The following CALN1 variants were observed in gnomAD, a reference collection of about 807,000 sequenced individuals.
CALN1 encodes calneuron 1.
A neutral mutation model predicts 30.6 loss-of-function variants in CALN1; 17 were observed. The observed-to-expected ratio is 0.56, with a 90% confidence interval of 0.38 to 0.83. The LOEUF is 0.83. Ranked by LOEUF, CALN1 falls within the 40% of genes least tolerant of loss-of-function variation. CALN1 has a pLI of 0.00. For synonymous variants in CALN1, 156 were observed against 131.4 expected (o/e 1.19, Z -1.28); for missense variants, 291 against 354.9 (o/e 0.82, Z 1.45).
At chr7:71,814,291 G>A (rs1434105118) in intron 5 of CALN1, among the ~76,000 whole-genome samples, 31 of 152,170 alleles carry the variant, frequency 2.0e-4, no homozygotes. Context: ...TGTCAAGTGT[G>A]TGTTTGTGTC....
intron 4 of CALN1, among the ~76,000 whole-genome samples, chr7:72,084,314 T>C (rs1339527696): frequency 6.6e-6 from 1 of 152,066 alleles, no homozygotes; most frequent in Non-Finnish European, 1.5e-5. Context: ...ATATGAAAAC[T>C]AATTTCTAAT....
At chr7:72,252,608 CAAAA>C (rs71069044) in intron 3 of CALN1, among the ~76,000 whole-genome samples, 1 of 137,388 alleles carries the variant, frequency 7.3e-6, no homozygotes, top group Non-Finnish European at 1.6e-5. Flanking sequence ...GACCCTGTCT[CAAAA>C]AAAAAAAAAG....
chr7:71,918,813 G>T (rs1045484238), intron 5 of CALN1, among the ~76,000 whole-genome samples: 1 of 152,082 alleles, frequency 6.6e-6, no homozygotes, highest in Admixed American at 6.5e-5. Flanking sequence ...ATCTCTTAAA[G>T]CCATGTTCAA....
intron 5 of CALN1, among the ~76,000 whole-genome samples, chr7:71,948,519 CA>C (rs1796520829): frequency 6.6e-6 from 1 of 151,980 alleles, no homozygotes; most frequent in African/African-American, 2.4e-5. Flanking sequence ...CACCTGAGGT[CA>C]GGAATTCCAG....
intron 5 of CALN1, among the ~76,000 whole-genome samples, chr7:71,816,861 A>AGGAGGCTGAGGC (rs1788294710): frequency 1.3e-5 from 2 of 152,106 alleles, no homozygotes; most frequent in Non-Finnish European, 2.9e-5. Context: ...CCAGCTACTC[A>AGGAGGCTGAGGC]GGAGGCTGAG....
chr7:72,354,327 CT>C (rs1308132020), intron 2 of CALN1, among the ~76,000 whole-genome samples: 1 of 152,092 alleles, frequency 6.6e-6, no homozygotes, highest in African/African-American at 2.4e-5. Flanking sequence ...AAATGGAGAC[CT>C]ATACCATGTT....
chr7:71,989,611 AAGAT>A (rs1336942553), intron 5 of CALN1, among the ~76,000 whole-genome samples: 3 of 152,210 alleles, frequency 2.0e-5, no homozygotes, highest in Non-Finnish European at 4.4e-5. Context: ...TTGGAAAACC[AAGAT>A]AGATAACCTT....
chr7:72,173,144 T>G (rs1789086955), intron 3 of CALN1, among the ~76,000 whole-genome samples: 1 of 152,008 alleles, frequency 6.6e-6, no homozygotes, highest in East Asian at 1.9e-4. Flanking sequence ...TGAAAACAAT[T>G]GCTGTACTTC....
At chr7:72,030,123 T>C (rs1020983740) in intron 4 of CALN1, among the ~76,000 whole-genome samples, 1 of 152,256 alleles carries the variant, frequency 6.6e-6, no homozygotes, top group African/African-American at 2.4e-5. Context: ...TTGCAGATAA[T>C]TGGGGAATTT....
intron 2 of CALN1, chr7:72,337,323 A>AGCCCCC: frequency 1.0e-6 from 1 of 978,818 alleles, no homozygotes; most frequent in Non-Finnish European, 1.2e-6. Context: ...AGGGTCGGGG[A>AGCCCCC]GCCCCCACCC....
At chr7:72,482,999 T>C in the CALN1 span, among the ~76,000 whole-genome samples, 1 of 152,112 alleles carries the variant, frequency 6.6e-6, no homozygotes, top group African/African-American at 2.4e-5. Context: ...GTGCAAAGGG[T>C]TATTTTGTTT....
At chr7:72,006,568 AAGT>A (rs1288230411) in intron 5 of CALN1, among the ~76,000 whole-genome samples, 2 of 147,142 alleles carry the variant, frequency 1.4e-5, no homozygotes, top group Admixed American at 1.3e-4. Context: ...ACATCTAAAA[AAGT>A]AGATTTTTTT....
At chr7:71,866,926 C>T (rs1351082352) in intron 5 of CALN1, among the ~76,000 whole-genome samples, 1 of 152,142 alleles carries the variant, frequency 6.6e-6, no homozygotes, top group Non-Finnish European at 1.5e-5. Flanking sequence ...GAGTGGATCA[C>T]TTGAGGTCAG....
chr7:72,159,178 C>G (rs113998146), intron 3 of CALN1, among the ~76,000 whole-genome samples: 1 of 152,000 alleles, frequency 6.6e-6, no homozygotes, highest in African/African-American at 2.4e-5. Context: ...TTTAAAGAAA[C>G]AAACAAAAAG....
At chr7:71,871,264 A>T (rs73185015) in intron 5 of CALN1, among the ~76,000 whole-genome samples, 27,525 of 151,978 alleles carry the variant, frequency 0.18, 2,835 homozygotes, top group Non-Finnish European at 0.23. Flanking sequence ...AAAGAGCTTT[A>T]AAAAAAACCT....
At chr7:72,501,256 G>C in the CALN1 span, among the ~76,000 whole-genome samples, 1 of 151,096 alleles carries the variant, frequency 6.6e-6, no homozygotes, top group African/African-American at 2.4e-5. Flanking sequence ...GAGGAGTCCA[G>C]GTGTGGTGGT....
At chr7:72,481,851 A>T in the CALN1 span, among the ~76,000 whole-genome samples, 1 of 152,124 alleles carries the variant, frequency 6.6e-6, no homozygotes, top group Non-Finnish European at 1.5e-5. Flanking sequence ...TATTATTTGT[A>T]TACTTTGACA....
intron 2 of CALN1, among the ~76,000 whole-genome samples, chr7:72,341,967 G>C (rs1802405897): frequency 3.3e-5 from 5 of 152,000 alleles, no homozygotes; most frequent in Admixed American, 3.3e-4. Flanking sequence ...CTCAGAAGTA[G>C]AGAAGGCTAG....
At chr7:72,490,306 CA>C in the CALN1 span, among the ~76,000 whole-genome samples, 1 of 152,080 alleles carries the variant, frequency 6.6e-6, no homozygotes, top group Non-Finnish European at 1.5e-5. Context: ...ACAAAATAAA[CA>C]AAAACACTGT....
Sources: allele counts gnomAD v4.1 joint callset (sites outside exome capture counted in the v4.1 genomes callset), GRCh38; gene constraint gnomAD v4.1.1; transcripts MANE v1.5; gene names NCBI Gene and HGNC (gene_info 2026-07-23, HGNC 2026-07-21).